CHST9: variants seen among roughly 807,000 people sequenced by gnomAD.
CHST9 encodes GalNAc-4-sulfotransferase 2.
CHST9 carries 41 observed loss-of-function variants against 44.4 expected under a neutral mutation model. The observed-to-expected ratio is 0.92, with a 90% CI of 0.72 to 1.20. The LOEUF is 1.20. Among genes scored for constraint, CHST9 ranks in the 50% most tolerant of loss-of-function variants. The probability of loss-of-function intolerance (pLI) is 0.00; values close to 1 mark genes in which losing one functional copy is unlikely to be tolerated. For missense variants in CHST9, 504 were observed against 516.5 expected (o/e 0.98, Z 0.23); for synonymous variants, 171 against 178.4 (o/e 0.96, Z 0.33).
chr18:27,005,790 T>C (rs886419561), intron 4 of CHST9, among the ~76,000 whole-genome samples: 1 of 152,146 alleles, frequency 6.6e-6, no homozygotes, highest in African/African-American at 2.4e-5. Context: ...ACGAACCTTC[T>C]TCTTCCACTA....
At chr18:27,068,584 A>G (rs2057806506) in intron 2 of CHST9, among the ~76,000 whole-genome samples, 2 of 152,196 alleles carry the variant, frequency 1.3e-5, no homozygotes, top group South Asian at 4.1e-4. Context: ...TCCTGATGAT[A>G]TCCAGGTATT....
intron 2 of CHST9, among the ~76,000 whole-genome samples, chr18:27,062,405 C>T (rs189230765): frequency 5.9e-5 from 9 of 152,010 alleles, no homozygotes; most frequent in Admixed American, 2.6e-4. Context: ...AGTGAGAACA[C>T]GTGGTGTTTG....
intron 2 of CHST9, among the ~76,000 whole-genome samples, chr18:27,070,690 C>CG (rs138732887): frequency 9.5e-4 from 48 of 50,420 alleles, no homozygotes; most frequent in African/African-American, 8.1e-3. Context: ...TATGTCACCC[C>CG]CGTTAGAGGT....
intron 2 of CHST9, among the ~76,000 whole-genome samples, chr18:27,050,176 G>T (rs946739143): frequency 1.3e-5 from 2 of 152,170 alleles, no homozygotes; most frequent in Admixed American, 6.5e-5. Context: ...TGAGGACATG[G>T]CTTCTTGTTT....
intron 4 of CHST9, among the ~76,000 whole-genome samples, chr18:27,015,262 T>C (rs2057137813): frequency 6.6e-6 from 1 of 152,102 alleles, no homozygotes; most frequent in African/African-American, 2.4e-5. Context: ...TTCTCCAATT[T>C]TTCAGTGTAA....
intron 1 of CHST9, among the ~76,000 whole-genome samples, chr18:27,174,290 A>C (rs2058852345): frequency 6.6e-6 from 1 of 151,902 alleles, no homozygotes; most frequent in Non-Finnish European, 1.5e-5. Flanking sequence ...ACATTTTTGA[A>C]GTGTCCAGGT....
chr18:27,003,098 G>A (rs1389344056), intron 4 of CHST9, among the ~76,000 whole-genome samples: 2 of 152,130 alleles, frequency 1.3e-5, no homozygotes, highest in African/African-American at 4.8e-5. Flanking sequence ...TGTGAAAACT[G>A]GCATTGGAAA....
At chr18:26,986,420 AG>A (rs1280231182) in intron 4 of CHST9, among the ~76,000 whole-genome samples, 1 of 152,184 alleles carries the variant, frequency 6.6e-6, no homozygotes, top group Non-Finnish European at 1.5e-5. Flanking sequence ...ATATAAAAAA[AG>A]AAAAGAGAAT....
At chr18:26,970,079 G>A (rs2056522243) in intron 4 of CHST9, among the ~76,000 whole-genome samples, 1 of 152,080 alleles carries the variant, frequency 6.6e-6, no homozygotes, top group Non-Finnish European at 1.5e-5. Context: ...CATTACCATG[G>A]TTGGGTGCCT....
intron 2 of CHST9, among the ~76,000 whole-genome samples, chr18:27,091,802 G>A (rs1388143526): frequency 6.6e-6 from 1 of 152,178 alleles, no homozygotes; most frequent in Non-Finnish European, 1.5e-5. Flanking sequence ...AAGCCAACTT[G>A]ATCATAGTGG....
intron 5 of CHST9, chr18:26,934,738 A>G (rs2055955928): frequency 6.6e-6 from 1 of 152,202 alleles, no homozygotes; most frequent in African/African-American, 2.4e-5. Context: ...CTGAACTCGA[A>G]CATTTTCAGT....
intron 5 of CHST9, among the ~76,000 whole-genome samples, chr18:26,942,273 G>A (rs1428813123): frequency 1.3e-5 from 2 of 152,152 alleles, no homozygotes; most frequent in Non-Finnish European, 1.5e-5. Context: ...TGAGAGTGGG[G>A]AGCACTTCTT....
intron 2 of CHST9, among the ~76,000 whole-genome samples, chr18:27,105,185 A>G (rs1252386505): frequency 2.0e-5 from 3 of 152,242 alleles, no homozygotes; most frequent in African/African-American, 7.2e-5. Context: ...AAAAAGATAC[A>G]TGGCCTTTCA....
intron 5 of CHST9, among the ~76,000 whole-genome samples, chr18:26,940,085 C>A (rs2056060341): frequency 6.6e-6 from 1 of 152,194 alleles, no homozygotes; most frequent in Admixed American, 6.5e-5. Flanking sequence ...CCCACACAGC[C>A]TGACCTCTCT....
intron 1 of CHST9, among the ~76,000 whole-genome samples, chr18:27,179,065 TG>T (rs2058890353): frequency 7.6e-5 from 1 of 13,222 alleles, no homozygotes; most frequent in Admixed American, 6.0e-4. Context: ...CATGCATACA[TG>T]TGTGTGATAA....
At chr18:27,045,614 A>T (rs1229903829) in intron 3 of CHST9, among the ~76,000 whole-genome samples, 1 of 152,010 alleles carries the variant, frequency 6.6e-6, no homozygotes, top group Non-Finnish European at 1.5e-5. Flanking sequence ...ATTCTTTACC[A>T]AGCCAAATCG....
At chr18:27,111,127 A>G (rs2058267452) in intron 2 of CHST9, among the ~76,000 whole-genome samples, 1 of 152,232 alleles carries the variant, frequency 6.6e-6, no homozygotes, top group African/African-American at 2.4e-5. Flanking sequence ...GGGGCTGATG[A>G]CCATGAGAGA....
intron 4 of CHST9, among the ~76,000 whole-genome samples, chr18:26,951,165 G>C (rs1012337063): frequency 6.6e-6 from 1 of 152,112 alleles, no homozygotes; most frequent in African/African-American, 2.4e-5. Context: ...TGAGCTTCAG[G>C]AATAAAATTT....
At chr18:27,018,673 T>C (rs1041035729) in intron 4 of CHST9, among the ~76,000 whole-genome samples, 2 of 152,180 alleles carry the variant, frequency 1.3e-5, no homozygotes, top group African/African-American at 4.8e-5. Context: ...TATCATCATG[T>C]TCATCAATTC....
Sources: gnomAD v4.1 joint callset for allele counts (sites outside exome capture counted in the v4.1 genomes callset) on GRCh38, gnomAD v4.1.1 for gene constraint, MANE v1.5 for transcripts, NCBI Gene and HGNC (gene_info 2026-07-23, HGNC 2026-07-21) for gene names.